The following LIG1 variants were observed in gnomAD, a reference collection of about 807,000 sequenced individuals.
LIG1 encodes the protein DNA ligase 1.
In LIG1, 70 loss-of-function variants were observed where a neutral mutation model predicts 115.7. That is an observed-to-expected ratio of 0.60 (90% CI 0.50 to 0.74). The LOEUF (loss-of-function observed/expected upper bound fraction) is 0.74, where lower values mean the gene tolerates loss of function less well. Ranked by LOEUF, LIG1 falls within the 30% of genes least tolerant of loss-of-function variation. The pLI is 0.00. For synonymous variants in LIG1, 487 were observed against 495.3 expected, an observed-to-expected ratio of 0.98 and a Z score of 0.22; for missense variants, 1,115 against 1,225.6, an observed-to-expected ratio of 0.91 and a Z score of 1.35.
chr19:48,130,284 G>A (rs2033929861), intron 19 of LIG1, among the ~76,000 whole-genome samples: 1 of 152,242 alleles, frequency 6.6e-6, no homozygotes, highest in African/African-American at 2.4e-5. Context: ...CTCTGTCACT[G>A]TCTCTAACAG....
intron 9 of LIG1, among the ~76,000 whole-genome samples, chr19:48,145,098 C>T (rs924491398): frequency 2.2e-4 from 33 of 152,170 alleles, no homozygotes; most frequent in Non-Finnish European, 1.0e-4. Flanking sequence ...GGGGTTTTGC[C>T]GTGTTGCACA....
Position 48,149,839 on chromosome 19 carries a change from G to A in LIG1, c.700C>T (p.Pro234Ser), listed in dbSNP as rs777334641. Residue 234 changes from proline (P) to serine (S), a missense_variant and splice_region_variant, in exon 9 of 28, where the codon CCC becomes TCC. Pro to Ser is a moderately conservative substitution (Grantham distance 74). Transcript: ENST00000263274. ...APKTLSSFFT[P>S]RKPAVKKEVK... ...TCTTTTTTGACTGCTGGCTTCCGGG[G>A]GGCTAGGAATGAAGACAGAAAACAG... 1 of 1,613,752 alleles carries A rather than the reference G, an allele frequency of 6.2e-7. No homozygotes were observed. The highest frequency in any genetic ancestry group is 1.1e-5 in the South Asian group (1 of 91,020).
intron 10 of LIG1, 50 bp downstream of exon 10, chr19:48,143,833 G>A (rs770015970): frequency 8.1e-6 from 12 of 1,482,732 alleles, no homozygotes; most frequent in Admixed American, 3.3e-5. Flanking sequence ...GAGAGCCTCC[G>A]GTGGCAACAG....
intron 11 of LIG1, 57 bp from the exon 12 acceptor site, chr19:48,140,200 CGGGGT>C: frequency 5.6e-6 from 4 of 719,680 alleles, no homozygotes; most frequent in Non-Finnish European, 9.2e-6. Flanking sequence ...AGTGTGGTGT[CGGGGT>C]GGGGTGGGTT....
Position 48,128,007 on chromosome 19 carries a change from G to T in LIG1, c.1835C>A (p.Ser612Ter), listed in dbSNP as rs780324684. 1.9e-6 allele frequency: 3 copies of T among 1,614,044 alleles called. No individual in the cohort carries two copies. Among genetic ancestry groups the T allele is most frequent in the Non-Finnish European group, 2.5e-6 (3 of 1,179,918 alleles). The change falls in exon 20 of 28, where the codon TCG becomes TAG. Residue 612 changes from serine to a stop codon, truncating the protein, a stop_gained. Transcript: ENST00000263274. LOFTEE classifies it high-confidence loss of function. ...ISRIPKIKLP[S>*]VTSFILDTEA... ...GGTGTCCAGGATGAAGGATGTGACCGATGGGAGTTTAATCTGAAAAGTGAA... is the reference window on the plus strand; with the variant it reads ...GGTGTCCAGGATGAAGGATGTGACCTATGGGAGTTTAATCTGAAAAGTGAA...
intron 9 of LIG1, among the ~76,000 whole-genome samples, chr19:48,145,113 G>T (rs977403523): frequency 1.3e-5 from 2 of 152,150 alleles, no homozygotes; most frequent in Admixed American, 1.3e-4. Context: ...TGCACACGCT[G>T]GTGTCTCACT....
intron 4 of LIG1, among the ~76,000 whole-genome samples, chr19:48,158,218 A>G (rs1448358523): frequency 6.6e-6 from 1 of 152,224 alleles, no homozygotes; most frequent in East Asian, 1.9e-4. Context: ...ATTCCTTTAT[A>G]GCAATGCAAA....
intron 24 of LIG1, 75 bp downstream of exon 24, chr19:48,121,095 G>C (rs977453695): frequency 6.2e-7 from 1 of 1,612,114 alleles, no homozygotes; most frequent in South Asian, 1.1e-5. Context: ...GGTCTGGGTT[G>C]TGCAATAGGA....
rs754313120 is a variant in LIG1 at position 48,131,195 on chromosome 19, G to A, written c.1726-24C>T. The A allele has an allele frequency of 3.8e-6, 6 of 1,587,330 alleles. No homozygotes were observed. The South Asian group carries it at 5.5e-5, about 15-fold the overall frequency. The stretch of plus-strand genomic sequence containing the variant: ...ATCTGTCACGATGGGAGAAGGGAGG[G>A]GAAATCAGCTGAGTCCCCTCATGTG... On this transcript the variant is annotated intron_variant, in intron 18 of 27. Coordinates refer to ENST00000263274, the MANE Select transcript of LIG1 (RefSeq NM_000234.3).
At chr19:48,162,087 C>A (rs937006595) in intron 3 of LIG1, among the ~76,000 whole-genome samples, 175 bp downstream of exon 3, 1 of 152,116 alleles carries the variant, frequency 6.6e-6, no homozygotes, top group African/African-American at 2.4e-5. Context: ...CAGACAACTC[C>A]GAGGCCCTGG....
At chr19:48,136,182 C>T in intron 14 of LIG1, 57 bp from the exon 15 acceptor site, 1 of 1,302,402 alleles carries the variant, frequency 7.7e-7, no homozygotes, top group Non-Finnish European at 1.1e-6. Flanking sequence ...AATCTTGCCT[C>T]CTCCCTTCTC....
At chr19:48,159,633 G>A (rs546409351) in intron 4 of LIG1, among the ~76,000 whole-genome samples, 4 of 152,352 alleles carry the variant, frequency 2.6e-5, no homozygotes, top group East Asian at 1.9e-4. Context: ...AAGTGGAAGA[G>A]GGTGGCAGGA....
intron 12 of LIG1, among the ~76,000 whole-genome samples, chr19:48,139,489 G>A (rs1451971001): frequency 6.6e-6 from 1 of 152,034 alleles, no homozygotes; most frequent in Non-Finnish European, 1.5e-5. Context: ...GTGTCCTCAT[G>A]ATAAGCACCG....
Position 48,115,738 on chromosome 19 carries a change from G to A in LIG1, c.2677-6C>T, listed in dbSNP as rs1395676933. On this transcript the variant is annotated splice_polypyrimidine_tract_variant and splice_region_variant and intron_variant, in intron 27 of 27. Coordinates refer to ENST00000263274, the MANE Select transcript of LIG1 (RefSeq NM_000234.3). ...TTCCGGTACAAACAGGCCACCTGCG[G>A]AGAGAGGGTGGGACGGGGTGGTCAG... 2.5e-6 allele frequency: 4 copies of A among 1,612,058 alleles called. No individual in the cohort carries two copies. The highest frequency in any genetic ancestry group is 1.7e-5 in the Admixed American group (1 of 60,002).
intron 12 of LIG1, among the ~76,000 whole-genome samples, chr19:48,138,193 G>A (rs529507733): frequency 1.3e-5 from 2 of 152,152 alleles, no homozygotes; most frequent in Non-Finnish European, 2.9e-5. Context: ...GCGCCTGGGT[G>A]TAAGAGCTGG....
At position 48,123,375 on chromosome 19, in the gene LIG1, A is replaced by T. The variant is rs578075828; in HGVS notation, c.2005-57T>A. Reference sequence around the variant, plus strand: ...ACATCTTTGTGAGAATAAAGACAATAAGCCCTAAATGTGAGGCGAACAGGA... The same window carrying T: ...ACATCTTTGTGAGAATAAAGACAATTAGCCCTAAATGTGAGGCGAACAGGA... On this transcript the variant is annotated intron_variant, in intron 21 of 27. Transcript: ENST00000263274. The T allele has an allele frequency of 7.7e-5, 123 of 1,593,080 alleles. No homozygotes were observed. In the African/African-American group the frequency reaches 1.2e-3, roughly 16 times the overall value.
At position 48,119,138 on chromosome 19, in the gene LIG1, T is replaced by C. The variant is rs753212509; in HGVS notation, c.2438A>G (p.Lys813Arg). 1.5e-5 allele frequency: 23 copies of C among 1,578,806 alleles called. No individual in the cohort carries two copies. The highest frequency in any genetic ancestry group is 1.2e-4 in the East Asian group (5 of 42,560). The change falls in exon 25 of 28, where the codon AAG (lysine) becomes AGG (arginine). Residue 813 changes from lysine to arginine, a missense_variant and splice_region_variant. Coordinates refer to ENST00000263274, the MANE Select transcript of LIG1 (RefSeq NM_000234.3). ...EELEEHHQSL[K>R]ALVLPSPRPY... ...TGAGGCGCAGCCGCCATGGCTCACC[T>C]TGAGGCTCTGGTGATGCTCCTCCAG...
intron 18 of LIG1, among the ~76,000 whole-genome samples, chr19:48,132,402 C>A (rs574644036): frequency 1.4e-4 from 21 of 152,268 alleles, no homozygotes; most frequent in African/African-American, 5.1e-4. Context: ...CACCCACCAG[C>A]AGCATCAGCG....
chr19:48,143,480 G>A lies in LIG1; in HGVS notation c.914+63C>T, dbSNP rs3730937. ...TTGGCGGAACAAGGCAGCACAGACC[G>A]CCATGCAGAGGACAGACCCAGAAGC... is the stretch of plus-strand genomic sequence containing the variant. On this transcript the variant is annotated intron_variant, in intron 11 of 27. Transcript: ENST00000263274. 2.0e-3 allele frequency: 2,350 copies of A among 1,153,606 alleles called. 24 individuals are homozygous for A. Among genetic ancestry groups the A allele is most frequent in the East Asian group, 0.015 (590 of 39,314 alleles). 71.5% of individuals were successfully genotyped at this position (1,153,606 alleles called of 1,614,324 possible).
Sources: allele counts gnomAD v4.1 joint callset (sites outside exome capture counted in the v4.1 genomes callset), GRCh38; gene constraint gnomAD v4.1.1; transcripts MANE v1.5; gene names NCBI Gene and HGNC (gene_info 2026-07-23, HGNC 2026-07-21).